ANK2: variants seen among roughly 807,000 people sequenced by gnomAD.
ANK2 encodes ankyrin-2.
ANK2 carries 83 observed loss-of-function variants against 360.5 expected under a neutral mutation model. The observed-to-expected ratio is 0.23, with a 90% CI of 0.19 to 0.28. The LOEUF (loss-of-function observed/expected upper bound fraction) is 0.28. Ranked by LOEUF, ANK2 falls within the 10% of genes least tolerant of loss-of-function variation. The pLI is 1.00. For synonymous variants in ANK2, 1,740 were observed against 1,759.5 expected, an observed-to-expected ratio of 0.99 and a Z score of 0.28; for missense variants, 4,201 against 4,795.7, an observed-to-expected ratio of 0.88 and a Z score of 3.66.
At chr4:112,744,658 A>G in the ANK2 span, among the ~76,000 whole-genome samples, 7 of 152,160 alleles carry the variant, frequency 4.6e-5, no homozygotes, top group Non-Finnish European at 7.3e-5. Context: ...CCAGGATAAG[A>G]TTTTAAAAGT....
At chr4:112,757,375 A>G in the ANK2 span, among the ~76,000 whole-genome samples, 2 of 152,052 alleles carry the variant, frequency 1.3e-5, no homozygotes, top group Admixed American at 6.5e-5. Flanking sequence ...CCGCCTCCCA[A>G]AGTGTTGGGA....
intron 1 of ANK2, among the ~76,000 whole-genome samples, chr4:112,903,937 A>G (rs1389360092): frequency 6.6e-6 from 1 of 152,200 alleles, no homozygotes; most frequent in Admixed American, 6.5e-5. Context: ...TGAGATGGCT[A>G]GTGTAGCTTC....
the ANK2 span, among the ~76,000 whole-genome samples, chr4:112,785,185 G>C: frequency 6.6e-6 from 1 of 152,138 alleles, no homozygotes; most frequent in East Asian, 1.9e-4. Context: ...CATCTGGGTT[G>C]TTGGTGGGAA....
At chr4:112,948,376 T>C (rs933530520) in intron 2 of ANK2, among the ~76,000 whole-genome samples, 2 of 152,204 alleles carry the variant, frequency 1.3e-5, no homozygotes, top group African/African-American at 4.8e-5. Context: ...TTTAACTGTT[T>C]GGATTAAAGT....
chr4:113,211,534 A>T (rs1221552662), intron 4 of ANK2, among the ~76,000 whole-genome samples: 1 of 152,182 alleles, frequency 6.6e-6, no homozygotes, highest in Non-Finnish European at 1.5e-5. Flanking sequence ...TAAAATGTAG[A>T]TAGTGTTTTA....
chr4:112,839,395 A>G (rs1247081280), intron 1 of ANK2, among the ~76,000 whole-genome samples: 3 of 152,136 alleles, frequency 2.0e-5, no homozygotes, highest in Non-Finnish European at 4.4e-5. Context: ...GAGCATACAC[A>G]TATTTTAGTG....
At position 112,985,180 on chromosome 4, in the gene ANK2, A is replaced by G. The variant is rs141721718; in HGVS notation, c.21+80666A>G. Among the ~76,000 whole-genome samples the G allele has an allele frequency of 1.3e-3, 203 of 152,286 alleles. 2 individuals carry two copies. Among genetic ancestry groups the G allele is most frequent in the African/African-American group, 4.4e-3 (184 of 41,544 alleles). On this transcript the variant is annotated intron_variant, in intron 2 of 30. Transcript: ENST00000503271. ...AAATTATCTAAGGGCTTCCCTCAAA[A>G]TATCCACTTTTAAAATACTATTCTA...
intron 1 of ANK2, chr4:112,827,372 A>G: frequency 1.5e-6 from 2 of 1,356,316 alleles, no homozygotes; most frequent in East Asian, 2.3e-5. Context: ...CAGCATAGAG[A>G]TGCTAATCTC....
chr4:112,943,605 C>A (rs911290856), intron 2 of ANK2, among the ~76,000 whole-genome samples: 1 of 151,904 alleles, frequency 6.6e-6, no homozygotes, highest in East Asian at 1.9e-4. Context: ...TTAAAACAGT[C>A]GCATTAGAAA....
At chr4:113,263,014 C>A (rs1035603952) in intron 13 of ANK2, among the ~76,000 whole-genome samples, 1 of 151,156 alleles carries the variant, frequency 6.6e-6, no homozygotes, top group Non-Finnish European at 1.5e-5. Context: ...ATGATGAAAC[C>A]CCATCTCTAC....
At position 113,348,258 on chromosome 4, in the gene ANK2, G is replaced by A. The variant is rs1478321200; in HGVS notation, c.4372-18G>A. The A allele has an allele frequency of 6.2e-6, 10 of 1,612,540 alleles. No homozygotes were observed. The Admixed American group carries it at 1.0e-4, about 16-fold the overall frequency. On this transcript the variant is annotated intron_variant, in intron 35 of 45. Coordinates refer to ENST00000357077, the MANE Select transcript of ANK2 (RefSeq NM_001148.6). ...TTCTCTCTTTTTTCCATCTTGCATG[G>A]CATCTTGGGGCGGAAAGGAATCAGA...
chr4:113,316,517 A>G (rs1434316481), intron 24 of ANK2, among the ~76,000 whole-genome samples: 1 of 152,246 alleles, frequency 6.6e-6, no homozygotes, highest in Non-Finnish European at 1.5e-5. Context: ...AAATATGCTA[A>G]TTTAACATTT....
At chr4:113,028,732 G>A (rs754817272) in intron 2 of ANK2, among the ~76,000 whole-genome samples, 1 of 152,046 alleles carries the variant, frequency 6.6e-6, no homozygotes, top group Non-Finnish European at 1.5e-5. Flanking sequence ...AGCAGGTTTT[G>A]GGATAAGAAA....
intron 2 of ANK2, among the ~76,000 whole-genome samples, chr4:113,024,981 T>A (rs2058962457): frequency 6.6e-6 from 1 of 152,180 alleles, no homozygotes; most frequent in African/African-American, 2.4e-5. Flanking sequence ...TTGGCACCTC[T>A]CTTTTTGTAG....
chr4:113,292,637 G>A, intron 21 of ANK2, 123 bp downstream of exon 21: 2 of 1,096,216 alleles, frequency 1.8e-6, no homozygotes, highest in Non-Finnish European at 2.7e-6. Context: ...CTGGACTCTG[G>A]AAAGCCCCAG....
At position 113,196,403 on chromosome 4, in the gene ANK2, A is replaced by C. The variant is rs772446369; in HGVS notation, c.222A>C (p.Glu74Asp). The C allele has an allele frequency of 6.2e-7, 1 of 1,613,908 alleles. No homozygotes were observed. Among genetic ancestry groups the C allele is most frequent in the Admixed American group, 1.7e-5 (1 of 59,994 alleles). ...ACGCTCTCCATCTGGCTGCCAAGGA[A>C]GGCCACGTGGGGCTGGTGCAGGAGC... ...GLNALHLAAK[E>D]GHVGLVQELL... The change falls in exon 3 of 46, where the codon GAA (glutamate) becomes GAC (aspartate). Residue 74 changes from glutamate to aspartate, a missense_variant. This residue lies in a region of ANK2 where 169 missense variants were observed against 191.1 expected (regional missense o/e 0.88). Transcript: ENST00000357077.
chr4:113,325,595 T>G (rs2089368482), intron 26 of ANK2, among the ~76,000 whole-genome samples: 1 of 152,196 alleles, frequency 6.6e-6, no homozygotes, highest in Non-Finnish European at 1.5e-5. Context: ...TTAAGTAAAC[T>G]TCATAAACTA....
intron 2 of ANK2, among the ~76,000 whole-genome samples, chr4:112,915,224 A>G (rs1242128092): frequency 1.3e-5 from 2 of 152,162 alleles, no homozygotes; most frequent in East Asian, 1.9e-4. Flanking sequence ...CTTAACTTCA[A>G]GATCCTCAGG....
chr4:113,261,097 G>C (rs1015342248), intron 13 of ANK2, among the ~76,000 whole-genome samples: 1 of 152,172 alleles, frequency 6.6e-6, no homozygotes, highest in African/African-American at 2.4e-5. Context: ...CTTTGGACAT[G>C]AGCATACCCA....
Sources: gnomAD v4.1 joint callset for allele counts (sites outside exome capture counted in the v4.1 genomes callset) on GRCh38, gnomAD v4.1.1 for gene constraint, gnomAD v4.1.1 regional missense constraint, MANE v1.5 for transcripts, NCBI Gene and HGNC (gene_info 2026-07-23, HGNC 2026-07-21) for gene names.